DPF3: variants seen among roughly 807,000 people sequenced by gnomAD.
DPF3 encodes double PHD fingers 3.
In DPF3, 18 loss-of-function variants were observed where a neutral mutation model predicts 56.8. That is an observed-to-expected ratio of 0.32 (90% CI 0.22 to 0.47). The LOEUF is 0.47. DPF3 is among the 20% of genes least tolerant of loss of function. The pLI is 1.00. For synonymous variants in DPF3, 188 were observed against 180.2 expected, an observed-to-expected ratio of 1.04 and a Z score of -0.35; for missense variants, 403 against 488.8, an observed-to-expected ratio of 0.82 and a Z score of 1.65.
At chr14:72,698,379 A>G (rs1245740951) in intron 6 of DPF3, among the ~76,000 whole-genome samples, 1 of 152,178 alleles carries the variant, frequency 6.6e-6, no homozygotes, top group Non-Finnish European at 1.5e-5. Context: ...GCTAATGTAT[A>G]TTTTCAAAGT....
chr14:72,626,023 C>G (rs572389387), intron 9 of DPF3, among the ~76,000 whole-genome samples: 1 of 152,326 alleles, frequency 6.6e-6, no homozygotes, highest in South Asian at 2.1e-4. Context: ...AGTCAAAATA[C>G]TGTTTTCCAA....
chr14:72,655,924 T>C (rs1166577936), intron 8 of DPF3, among the ~76,000 whole-genome samples: 1 of 152,152 alleles, frequency 6.6e-6, no homozygotes, highest in Non-Finnish European at 1.5e-5. Flanking sequence ...GCAAGAGAAA[T>C]GCTTGGCTAT....
chr14:72,744,541 C>T (rs1268772820), intron 3 of DPF3, among the ~76,000 whole-genome samples: 3 of 152,142 alleles, frequency 2.0e-5, no homozygotes, highest in Admixed American at 1.3e-4. Context: ...GAGCAAAGTG[C>T]TTCGGGGGAC....
intron 1 of DPF3, among the ~76,000 whole-genome samples, chr14:72,828,627 G>A (rs1048132876): frequency 1.3e-5 from 2 of 151,534 alleles, no homozygotes; most frequent in African/African-American, 4.9e-5. Context: ...TATGCACAGA[G>A]AAGAGTGAGC....
At chr14:72,653,599 AC>A (rs1300383703) in intron 8 of DPF3, among the ~76,000 whole-genome samples, 1 of 152,176 alleles carries the variant, frequency 6.6e-6, no homozygotes, top group Non-Finnish European at 1.5e-5. Context: ...ACATTCAGTG[AC>A]CTATCAGTCT....
chr14:72,819,401 T>A (rs1379484609), intron 1 of DPF3, among the ~76,000 whole-genome samples: 1 of 152,196 alleles, frequency 6.6e-6, no homozygotes, highest in African/African-American at 2.4e-5. Flanking sequence ...CATACACAGA[T>A]GCTCGTGGCA....
At chr14:72,678,730 C>T (rs143972048) in intron 7 of DPF3, among the ~76,000 whole-genome samples, 17 of 152,270 alleles carry the variant, frequency 1.1e-4, no homozygotes, top group African/African-American at 2.6e-4. Context: ...GGCAAAGACC[C>T]GACTGGCATC....
rs1362661608 is a variant in DPF3, at chr14:72,613,992, G to C, written c.*5305C>G. On this transcript the variant is annotated 3_prime_UTR_variant, in exon 11 of 11. Coordinates refer to ENST00000556509, the MANE Select transcript of DPF3 (RefSeq NM_001280542.3). The stretch of plus-strand genomic sequence containing the variant: ...CCTCCTTCCCCCTGCCCCACTCTCA[G>C]CTGTCCACTCACAGACCAGAGGGTC... Among the ~76,000 whole-genome samples, 1 of 151,966 alleles carries C rather than the reference G, an allele frequency of 6.6e-6. No individual in the cohort carries two copies. Among genetic ancestry groups the C allele is most frequent in the East Asian group, 1.9e-4 (1 of 5,190 alleles).
chr14:72,762,814 T>C (rs1389559593), intron 2 of DPF3, among the ~76,000 whole-genome samples: 2 of 151,968 alleles, frequency 1.3e-5, no homozygotes, highest in African/African-American at 4.8e-5. Context: ...TTTCTTTATT[T>C]ACTATTCAGG....
chr14:72,799,635 A>ATATG (rs1200393569), intron 1 of DPF3, among the ~76,000 whole-genome samples: 21 of 145,790 alleles, frequency 1.4e-4, no homozygotes, highest in Admixed American at 9.6e-4. Flanking sequence ...GCAAGATCAT[A>ATATG]TATGTATATA....
intron 1 of DPF3, among the ~76,000 whole-genome samples, chr14:72,809,947 T>G (rs190675253): frequency 5.3e-5 from 8 of 152,310 alleles, no homozygotes; most frequent in African/African-American, 1.9e-4. Flanking sequence ...AATGGGGATA[T>G]AAAAGCGTCT....
chr14:72,700,163 C>G (rs1345677979), intron 6 of DPF3, among the ~76,000 whole-genome samples: 1 of 152,150 alleles, frequency 6.6e-6, no homozygotes, highest in East Asian at 1.9e-4. Context: ...TCTTGAAATC[C>G]TGCTTTGACT....
intron 1 of DPF3, among the ~76,000 whole-genome samples, chr14:72,790,838 C>T (rs1892400766): frequency 6.6e-6 from 1 of 152,172 alleles, no homozygotes; most frequent in African/African-American, 2.4e-5. Flanking sequence ...CTTTCTCTGG[C>T]CTCTGTGTGC....
intron 1 of DPF3, among the ~76,000 whole-genome samples, chr14:72,846,837 T>C (rs1310610145): frequency 6.6e-6 from 1 of 152,198 alleles, no homozygotes; most frequent in East Asian, 1.9e-4. Flanking sequence ...CACTGGCTCC[T>C]ACTCAAGCTA....
chr14:72,835,561 T>A (rs1884256010), intron 1 of DPF3, among the ~76,000 whole-genome samples: 1 of 152,202 alleles, frequency 6.6e-6, no homozygotes, highest in African/African-American at 2.4e-5. Context: ...GGGGAAGCAG[T>A]TTCTCCAGCT....
At chr14:72,858,953 GTGTATA>G (rs928714208) in intron 1 of DPF3, among the ~76,000 whole-genome samples, 85 of 152,068 alleles carry the variant, frequency 5.6e-4, no homozygotes, top group Non-Finnish European at 2.2e-4. Flanking sequence ...CTATATATGG[GTGTATA>G]TGTATATGTA....
intron 7 of DPF3, among the ~76,000 whole-genome samples, chr14:72,681,413 G>A (rs999708649): frequency 6.6e-6 from 1 of 152,102 alleles, no homozygotes; most frequent in Non-Finnish European, 1.5e-5. Context: ...AGAATGGAAG[G>A]CATCAAGAAT....
At chr14:72,788,492 G>A (rs2038839275) in intron 1 of DPF3, among the ~76,000 whole-genome samples, 1 of 152,168 alleles carries the variant, frequency 6.6e-6, no homozygotes, top group African/African-American at 2.4e-5. Flanking sequence ...ATGCCCCACA[G>A]CCATCAATAT....
intron 8 of DPF3, among the ~76,000 whole-genome samples, chr14:72,672,060 G>C (rs77926533): frequency 0.014 from 1,904 of 132,902 alleles, 16 homozygotes; most frequent in African/African-American, 0.035. Context: ...CACACACACA[G>C]ACACACACAC....
Sources: gnomAD v4.1 joint callset for allele counts (sites outside exome capture counted in the v4.1 genomes callset) on GRCh38, gnomAD v4.1.1 for gene constraint, MANE v1.5 for transcripts, NCBI Gene and HGNC (gene_info 2026-07-23, HGNC 2026-07-21) for gene names.